Variants in DOCK9 observed in about 807,000 individuals in gnomAD.
The protein encoded by DOCK9 is dedicator of cytokinesis protein 9.
A neutral mutation model predicts 263.3 loss-of-function variants in DOCK9; 89 were observed. That is an observed-to-expected ratio of 0.34 (90% CI 0.28 to 0.40). The LOEUF (loss-of-function observed/expected upper bound fraction) is 0.40, where lower values mean the gene tolerates loss of function less well. DOCK9 is among the 10% of genes least tolerant of loss of function. DOCK9 has a pLI of 1.00. For synonymous variants in DOCK9, 976 were observed against 973.1 expected (o/e 1.00, Z -0.06); for missense variants, 2,140 against 2,603.4 (o/e 0.82, Z 3.87).
intron 27 of DOCK9, among the ~76,000 whole-genome samples, chr13:98,870,072 T>C (rs980084977): frequency 6.6e-6 from 1 of 152,240 alleles, no homozygotes; most frequent in African/African-American, 2.4e-5. Context: ...TTATGGCCTG[T>C]TTTTGAGCAG....
chr13:99,038,319 T>C (rs961631948), intron 1 of DOCK9, among the ~76,000 whole-genome samples: 2 of 118,336 alleles, frequency 1.7e-5, no homozygotes, highest in Non-Finnish European at 3.5e-5. Context: ...TTTTTTTTTT[T>C]TGGAGATAGA....
intron 7 of DOCK9, 95 bp from the exon 8 acceptor site, chr13:98,915,598 G>A: frequency 7.9e-7 from 1 of 1,260,950 alleles, no homozygotes; most frequent in Non-Finnish European, 1.1e-6. Flanking sequence ...TATCTCATTG[G>A]CATTTAGAAC....
chr13:99,030,463 G>T (rs1025183474), intron 1 of DOCK9, among the ~76,000 whole-genome samples: 1 of 152,176 alleles, frequency 6.6e-6, no homozygotes, highest in African/African-American at 2.4e-5. Flanking sequence ...GACAGGTTTG[G>T]TAAGAGACAT....
chr13:99,022,732 C>T (rs548333996), intron 1 of DOCK9, among the ~76,000 whole-genome samples: 2 of 152,094 alleles, frequency 1.3e-5, no homozygotes, highest in Non-Finnish European at 1.5e-5. Flanking sequence ...CGCTTGAGCC[C>T]AGGAGTTCAA....
intron 1 of DOCK9, among the ~76,000 whole-genome samples, chr13:99,000,018 G>C (rs1473159105): frequency 6.6e-6 from 1 of 152,098 alleles, no homozygotes; most frequent in Non-Finnish European, 1.5e-5. Flanking sequence ...ACAATAAGAC[G>C]ATATACACTT....
rs182424991 is a variant in DOCK9 at position 99,026,383 on chromosome 13, C to T, written c.129+59840G>A. On this transcript the variant is annotated intron_variant, in intron 1 of 32. Transcript: ENST00000427887. ...CTTGAAAGTACCCTAATTTCAATAC[C>T]GTTATCTTTCCAAAACATATCACTA... 5.9e-5 allele frequency among the ~76,000 whole-genome samples: 9 copies of T among 152,248 alleles called. No homozygotes were observed. In the East Asian group the frequency reaches 1.5e-3, roughly 26 times the overall value.
chr13:98,977,014 A>G (rs1227164557), intron 1 of DOCK9, among the ~76,000 whole-genome samples: 8 of 152,204 alleles, frequency 5.3e-5, no homozygotes, highest in African/African-American at 7.2e-5. Context: ...GAAAGGCTCA[A>G]TTGTCCCCCC....
chr13:99,011,075 T>G (rs1217083985), intron 1 of DOCK9, among the ~76,000 whole-genome samples: 1 of 152,114 alleles, frequency 6.6e-6, no homozygotes, highest in Non-Finnish European at 1.5e-5. Context: ...TTTTATATTT[T>G]TAGTAGAGAC....
At chr13:98,890,823 T>C (rs536833851) in intron 15 of DOCK9, among the ~76,000 whole-genome samples, 2 of 152,324 alleles carry the variant, frequency 1.3e-5, no homozygotes, top group Admixed American at 1.3e-4. Flanking sequence ...GTTGAGAAGA[T>C]CCATCGTGGC....
intron 33 of DOCK9, chr13:98,857,515 T>A (rs1273529977): frequency 2.0e-5 from 3 of 152,264 alleles, no homozygotes; most frequent in Non-Finnish European, 2.9e-5. Context: ...GGTGTCGAAC[T>A]CCTGACCTCA....
chr13:99,079,331 T>C (rs1596057447), intron 1 of DOCK9, among the ~76,000 whole-genome samples: 1 of 138,278 alleles, frequency 7.2e-6, no homozygotes, highest in African/African-American at 2.7e-5. Context: ...GCTCAGGGTG[T>C]GAAGTTACAG....
intron 45 of DOCK9, among the ~76,000 whole-genome samples, chr13:98,817,894 C>T (rs2092001535): frequency 6.6e-6 from 1 of 151,356 alleles, no homozygotes. Flanking sequence ...ATAAGTCTCA[C>T]AATTTGATGG....
intron 1 of DOCK9, among the ~76,000 whole-genome samples, chr13:99,045,911 T>A (rs1231564314): frequency 6.8e-6 from 1 of 147,764 alleles, no homozygotes; most frequent in African/African-American, 2.5e-5. Flanking sequence ...GCTAACACGG[T>A]GAATCCCCAT....
intron 1 of DOCK9, among the ~76,000 whole-genome samples, chr13:99,061,177 C>T (rs918509111): frequency 2.6e-5 from 4 of 152,084 alleles, no homozygotes; most frequent in Non-Finnish European, 4.4e-5. Flanking sequence ...ACAGTGAGCC[C>T]AAGCTGTTTC....
chr13:98,861,584 A>G (rs9584957), intron 32 of DOCK9, among the ~76,000 whole-genome samples: 8,972 of 152,264 alleles, frequency 0.059, 681 homozygotes, highest in African/African-American at 0.17. Context: ...TTATAGGTTA[A>G]CCTTTAAAAA....
At chr13:98,917,216 C>A (rs186744855) in intron 7 of DOCK9, among the ~76,000 whole-genome samples, 1 of 152,280 alleles carries the variant, frequency 6.6e-6, no homozygotes, top group East Asian at 1.9e-4. Context: ...CAGAAACAGG[C>A]AGCAAAACTC....
chr13:98,843,782 A>C (rs1262635851), intron 38 of DOCK9, among the ~76,000 whole-genome samples: 1 of 152,240 alleles, frequency 6.6e-6, no homozygotes, highest in Non-Finnish European at 1.5e-5. Context: ...CAGCAGCAGC[A>C]CCAGGCCAGC....
Position 98,901,245 on chromosome 13 carries a change from T to C in DOCK9, c.1503+533A>G, listed in dbSNP as rs529301568. Among the ~76,000 whole-genome samples the C allele has an allele frequency of 2.0e-4, 31 of 152,294 alleles. No homozygotes were observed. The South Asian group carries it at 5.0e-3, about 24-fold the overall frequency. ...CCATGCCTAGGCACTTCCCAAGTAATGAACACTACTTTGAAAAAAACCAAA... is the reference window on the plus strand; with the variant it reads ...CCATGCCTAGGCACTTCCCAAGTAACGAACACTACTTTGAAAAAAACCAAA... On this transcript the variant is annotated intron_variant, in intron 13 of 52. Transcript: ENST00000682017.
intron 1 of DOCK9, among the ~76,000 whole-genome samples, chr13:99,084,153 T>C (rs1194930145): frequency 6.6e-6 from 1 of 152,194 alleles, no homozygotes; most frequent in East Asian, 1.9e-4. Flanking sequence ...CAGGTGCACC[T>C]GCTGTGGCTC....
Sources: allele counts gnomAD v4.1 joint callset (sites outside exome capture counted in the v4.1 genomes callset), GRCh38; gene constraint gnomAD v4.1.1; transcripts MANE v1.5; gene names NCBI Gene and HGNC (gene_info 2026-07-23, HGNC 2026-07-21).